The following PHACTR3 variants were observed in gnomAD, a reference collection of about 807,000 sequenced individuals.
PHACTR3 encodes the protein protein phosphatase 1, regulatory subunit 123.
In PHACTR3, 16 loss-of-function variants were observed where a neutral mutation model predicts 66.8. That is an observed-to-expected ratio of 0.24 (90% CI 0.16 to 0.36). The LOEUF (loss-of-function observed/expected upper bound fraction) is 0.36, where lower values mean the gene tolerates loss of function less well. Ranked by LOEUF, PHACTR3 falls within the 10% of genes least tolerant of loss-of-function variation. PHACTR3 has a pLI of 1.00. For synonymous variants in PHACTR3, 323 were observed against 292.1 expected, an observed-to-expected ratio of 1.11 and a Z score of -1.08; for missense variants, 647 against 719.9, an observed-to-expected ratio of 0.90 and a Z score of 1.16.
At chr20:59,786,323 A>C (rs908091420) in intron 7 of PHACTR3, among the ~76,000 whole-genome samples, 12 of 152,212 alleles carry the variant, frequency 7.9e-5, no homozygotes, top group Admixed American at 3.3e-4. Context: ...CCCTTCAAAA[A>C]AGGTCATGGT....
chr20:59,748,300 G>A (rs557238505), intron 3 of PHACTR3, among the ~76,000 whole-genome samples: 6 of 152,172 alleles, frequency 3.9e-5, no homozygotes, highest in Admixed American at 6.5e-5. Flanking sequence ...TATTGTGCAC[G>A]CCCTGTCTCA....
chr20:59,655,604 T>A (rs1411398802), intron 1 of PHACTR3, among the ~76,000 whole-genome samples: 2 of 151,904 alleles, frequency 1.3e-5, no homozygotes, highest in Non-Finnish European at 2.9e-5. Flanking sequence ...AACCAACTCT[T>A]TATTTTATTG....
chr20:59,708,371 C>T (rs2037791637), intron 1 of PHACTR3, among the ~76,000 whole-genome samples: 1 of 152,244 alleles, frequency 6.6e-6, no homozygotes, highest in East Asian at 1.9e-4. Flanking sequence ...CGAGGCACCA[C>T]ATCCACATAT....
chr20:59,744,477 C>CCCGT lies in PHACTR3; in HGVS notation c.280+1211_280+1214dup, dbSNP rs532366030. On this transcript the variant is annotated intron_variant, in intron 2 of 12. Coordinates refer to ENST00000371015, the MANE Select transcript of PHACTR3 (RefSeq NM_080672.5). ...CCTCAGGAACCAGCCCTGGCGAGTG[C>CCCGT]CCGTCTCAGGCTGTTGCCTCGGGGG... Among the ~76,000 whole-genome samples, 233 of 152,310 alleles carry CCCGT rather than the reference C, an allele frequency of 1.5e-3. 2 individuals are homozygous for CCCGT. The highest frequency in any genetic ancestry group is 5.2e-3 in the African/African-American group (217 of 41,570).
chr20:59,804,315 G>A (rs72629010), intron 7 of PHACTR3, among the ~76,000 whole-genome samples: 2 of 152,062 alleles, frequency 1.3e-5, no homozygotes, highest in Admixed American at 1.3e-4. Context: ...ACTTTTTCTC[G>A]GTTAAGAGCA....
At chr20:59,754,606 C>T (rs2039718934) in intron 3 of PHACTR3, among the ~76,000 whole-genome samples, 1 of 152,228 alleles carries the variant, frequency 6.6e-6, no homozygotes, top group Non-Finnish European at 1.5e-5. Flanking sequence ...TGAGTTGGTT[C>T]TCTGCAGCCA....
In PHACTR3 at chr20:59,756,943, C is replaced by T. The variant is rs546890455; in HGVS notation, c.541+1579C>T. ...ACAGACAACCTACAGAATGGGGGAA[C>T]ATTTTTGCAATCTACTCATCTGACA... On this transcript the variant is annotated intron_variant, in intron 4 of 12. Transcript: ENST00000371015. Among the ~76,000 whole-genome samples the T allele has an allele frequency of 2.0e-5, 3 of 152,090 alleles. No homozygotes were observed. In the East Asian group the frequency reaches 5.8e-4, roughly 29 times the overall value.
At chr20:59,670,608 G>GGA in intron 1 of PHACTR3, among the ~76,000 whole-genome samples, 1 of 138,202 alleles carries the variant, frequency 7.2e-6, no homozygotes, top group Admixed American at 7.2e-5. Context: ...CCGGGGGTGG[G>GGA]GGGGGGGGGC....
chr20:59,613,588 A>G (rs2033930980), intron 1 of PHACTR3, among the ~76,000 whole-genome samples: 2 of 152,220 alleles, frequency 1.3e-5, no homozygotes, highest in South Asian at 4.1e-4. Flanking sequence ...TACTCTAACA[A>G]GAGCAGGTTC....
intron 1 of PHACTR3, among the ~76,000 whole-genome samples, chr20:59,624,737 G>T (rs2034384142): frequency 6.6e-6 from 1 of 152,028 alleles, no homozygotes. Context: ...AACTCAGTCT[G>T]ATGGAAAGAA....
chr20:59,767,431 T>C (rs572345157), intron 5 of PHACTR3, 36 bp downstream of exon 5: 1 of 1,589,554 alleles, frequency 6.3e-7, no homozygotes, highest in Non-Finnish European at 8.6e-7. Context: ...TCTATTTCCT[T>C]TCTCTGCCCC....
chr20:59,696,063 G>A (rs532199693), intron 1 of PHACTR3, among the ~76,000 whole-genome samples: 2 of 152,308 alleles, frequency 1.3e-5, no homozygotes, highest in South Asian at 2.1e-4. Flanking sequence ...AGAGTTAAAT[G>A]AGTTAATATC....
chr20:59,645,433 A>T (rs149236690), intron 1 of PHACTR3, among the ~76,000 whole-genome samples: 2 of 152,086 alleles, frequency 1.3e-5, no homozygotes, highest in Non-Finnish European at 2.9e-5. Context: ...TGCCTGAAAC[A>T]GCCTCCCTCA....
At chr20:59,804,757 T>A (rs1376726056) in intron 7 of PHACTR3, among the ~76,000 whole-genome samples, 1 of 152,252 alleles carries the variant, frequency 6.6e-6, no homozygotes, top group Non-Finnish European at 1.5e-5. Context: ...TGTTAGAAAT[T>A]CAAGACTTGG....
chr20:59,586,065 C>T (rs1259739302), intron 1 of PHACTR3, among the ~76,000 whole-genome samples: 1 of 152,222 alleles, frequency 6.6e-6, no homozygotes, highest in Admixed American at 6.5e-5. Flanking sequence ...AATACCCACC[C>T]TATGTGTTCG....
At chr20:59,766,662 A>T (rs1256832904) in intron 4 of PHACTR3, among the ~76,000 whole-genome samples, 1 of 152,166 alleles carries the variant, frequency 6.6e-6, no homozygotes, top group Non-Finnish European at 1.5e-5. Flanking sequence ...GGCATGCCAG[A>T]TGTTAGGGCT....
intron 1 of PHACTR3, among the ~76,000 whole-genome samples, chr20:59,730,461 G>A (rs1045396152): frequency 1.3e-5 from 2 of 152,148 alleles, no homozygotes; most frequent in African/African-American, 4.8e-5. Context: ...AAGAGCCACT[G>A]TGATGTCATG....
At chr20:59,842,215 A>ATTTAAGCCCAAGAGTGTCCATAGAGT (rs2059076847) in intron 11 of PHACTR3, among the ~76,000 whole-genome samples, 1 of 152,226 alleles carries the variant, frequency 6.6e-6, no homozygotes, top group Admixed American at 6.5e-5. Context: ...GACTGGCAAG[A>ATTTAAGCCCAAGAGTGTCCATAGAGT]TTTAAGCCCA....
chr20:59,751,972 C>A (rs976104797), intron 3 of PHACTR3, among the ~76,000 whole-genome samples: 2 of 152,192 alleles, frequency 1.3e-5, no homozygotes, highest in African/African-American at 4.8e-5. Flanking sequence ...GAATGACTTT[C>A]CTCCATCTCC....
Sources: allele counts gnomAD v4.1 joint callset (sites outside exome capture counted in the v4.1 genomes callset), GRCh38; gene constraint gnomAD v4.1.1; transcripts MANE v1.5; gene names NCBI Gene and HGNC (gene_info 2026-07-23, HGNC 2026-07-21).